GCSAML: variants seen among roughly 807,000 people sequenced by gnomAD.
GCSAML encodes the protein germinal center associated signaling and motility like.
In GCSAML, 9 loss-of-function variants were observed where a neutral mutation model predicts 13.0. The observed-to-expected ratio is 0.69, with a 90% confidence interval of 0.42 to 1.21. The LOEUF (loss-of-function observed/expected upper bound fraction) is 1.21. GCSAML is among the 50% of genes most tolerant of loss of function. The pLI is 0.00. For missense variants in GCSAML, 143 were observed against 153.4 expected (o/e 0.93, Z 0.36); for synonymous variants, 37 against 52.9 (o/e 0.70, Z 1.31).
intron 2 of GCSAML, chr1:247,531,627 G>A: frequency 1.2e-6 from 2 of 1,614,152 alleles, no homozygotes; most frequent in Non-Finnish European, 1.7e-6. Context: ...TCACCTCCGT[G>A]TTCCTCAGGG....
chr1:247,512,147 CA>C (rs1406426576), intron 1 of GCSAML, among the ~76,000 whole-genome samples: 1 of 152,144 alleles, frequency 6.6e-6, no homozygotes, highest in Non-Finnish European at 1.5e-5. Context: ...GTATACCAAT[CA>C]AATGTAGGTT....
At chr1:247,538,427 A>G (rs1667295579) in intron 2 of GCSAML, among the ~76,000 whole-genome samples, 1 of 152,178 alleles carries the variant, frequency 6.6e-6, no homozygotes, top group African/African-American at 2.4e-5. Flanking sequence ...CTAACTGCCT[A>G]TACTACAGCT....
intron 1 of GCSAML, among the ~76,000 whole-genome samples, chr1:247,514,742 T>C (rs1572280226): frequency 9.3e-6 from 1 of 107,926 alleles, no homozygotes; most frequent in Non-Finnish European, 2.2e-5. Flanking sequence ...CCACTTTATG[T>C]TTTGTTTGCT....
intron 1 of GCSAML, among the ~76,000 whole-genome samples, chr1:247,523,211 T>TAC (rs1666520552): frequency 6.6e-6 from 1 of 152,198 alleles, no homozygotes; most frequent in South Asian, 2.1e-4. Context: ...TGGTCTCTGT[T>TAC]ACAGCAGCGT....
Position 247,576,439 on chromosome 1 carries a change from G to A in GCSAML, c.*2057G>A, listed in dbSNP as rs1409182855. The A allele has an allele frequency of 6.6e-6, 1 of 152,166 alleles. No individual in the cohort carries two copies. Among genetic ancestry groups the A allele is most frequent in the African/African-American group, 2.4e-5 (1 of 41,404 alleles). The allele number at this position is 152,166 out of a possible 1,614,324, so 9.4% of individuals were successfully genotyped here. On this transcript the variant is annotated 3_prime_UTR_variant, in exon 5 of 5. Coordinates refer to ENST00000366488, the MANE Select transcript of GCSAML (RefSeq NM_145278.5). ...GCACACCTGTAGTCCCAGGTACTCA[G>A]GAGGCTGAGGTAGTAGGATTGTTTG...
At chr1:247,562,361 T>C (rs1226314713) in intron 2 of GCSAML, among the ~76,000 whole-genome samples, 2 of 152,156 alleles carry the variant, frequency 1.3e-5, no homozygotes, top group African/African-American at 2.4e-5. Context: ...TGCCAGAGGA[T>C]GCATGTGGTG....
chr1:247,564,226 C>G (rs971469542), intron 3 of GCSAML, among the ~76,000 whole-genome samples: 2 of 152,056 alleles, frequency 1.3e-5, no homozygotes, highest in African/African-American at 2.4e-5. Flanking sequence ...GCCACCATGC[C>G]CGGCCCCTAA....
At chr1:247,521,920 C>G (rs1391210408) in intron 1 of GCSAML, among the ~76,000 whole-genome samples, 1 of 152,018 alleles carries the variant, frequency 6.6e-6, no homozygotes, top group Non-Finnish European at 1.5e-5. Flanking sequence ...GCCGCCATCC[C>G]GTCTAGGAAG....
intron 4 of GCSAML, among the ~76,000 whole-genome samples, chr1:247,573,484 C>A (rs542636130): frequency 1.3e-4 from 20 of 152,238 alleles, no homozygotes; most frequent in East Asian, 7.7e-4. Flanking sequence ...AGGTGATGCC[C>A]CACCCTGCTT....
At chr1:247,537,831 A>AT (rs987167202) in intron 2 of GCSAML, among the ~76,000 whole-genome samples, 1 of 151,960 alleles carries the variant, frequency 6.6e-6, no homozygotes, top group African/African-American at 2.4e-5. Context: ...TCTTTTGCCT[A>AT]TTTTTTGATT....
chr1:247,543,210 T>C (rs1364515100), intron 2 of GCSAML, among the ~76,000 whole-genome samples: 1 of 152,206 alleles, frequency 6.6e-6, no homozygotes, highest in East Asian at 1.9e-4. Context: ...GAACAAGATG[T>C]TCAAAGTTGT....
chr1:247,545,246 G>A (rs1040073324), upstream of GCSAML, among the ~76,000 whole-genome samples: 19 of 152,302 alleles, frequency 1.2e-4, no homozygotes, highest in African/African-American at 4.6e-4. Context: ...GCACGTGCTT[G>A]GTCTGGCCCC....
At chr1:247,561,330 G>A (rs1207166758) in intron 2 of GCSAML, among the ~76,000 whole-genome samples, 1 of 152,164 alleles carries the variant, frequency 6.6e-6, no homozygotes, top group Non-Finnish European at 1.5e-5. Flanking sequence ...TATACAATGT[G>A]TAATGATTAA....
intron 2 of GCSAML, among the ~76,000 whole-genome samples, chr1:247,557,333 C>A (rs1416145807): frequency 6.6e-6 from 1 of 152,070 alleles, no homozygotes; most frequent in Admixed American, 6.6e-5. Flanking sequence ...TGTTGCTCAA[C>A]CCTTGCAAGA....
intron 1 of GCSAML, among the ~76,000 whole-genome samples, chr1:247,515,400 A>C (rs1265818581): frequency 6.6e-6 from 1 of 152,240 alleles, no homozygotes; most frequent in Non-Finnish European, 1.5e-5. Context: ...ATACAGTTTA[A>C]AATGTTGTTT....
At chr1:247,552,000 G>C (rs570022378) in intron 1 of GCSAML, among the ~76,000 whole-genome samples, 1 of 152,240 alleles carries the variant, frequency 6.6e-6, no homozygotes, top group East Asian at 1.9e-4. Flanking sequence ...CTTTATGGCT[G>C]GTTCTTACAC....
intron 2 of GCSAML, among the ~76,000 whole-genome samples, chr1:247,538,508 G>A (rs900237009): frequency 6.6e-6 from 1 of 152,154 alleles, no homozygotes; most frequent in African/African-American, 2.4e-5. Context: ...AACCCACAAT[G>A]TGACTATATT....
chr1:247,550,014 C>A (rs1054808533), intron 1 of GCSAML, among the ~76,000 whole-genome samples: 5 of 152,234 alleles, frequency 3.3e-5, no homozygotes, highest in African/African-American at 9.6e-5. Flanking sequence ...CCAGTGGGTA[C>A]CATGTAGAAA....
At chr1:247,533,240 C>T (rs925025507) in intron 2 of GCSAML, among the ~76,000 whole-genome samples, 3 of 152,122 alleles carry the variant, frequency 2.0e-5, no homozygotes, top group Admixed American at 6.5e-5. Context: ...TCCAAGTACT[C>T]TCAAAAAAGT....
Sources: gnomAD v4.1 joint callset for allele counts (sites outside exome capture counted in the v4.1 genomes callset) on GRCh38, gnomAD v4.1.1 for gene constraint, MANE v1.5 for transcripts, NCBI Gene and HGNC (gene_info 2026-07-23, HGNC 2026-07-21) for gene names.